Variants in PTCHD1 observed in about 807,000 individuals in gnomAD.
PTCHD1 encodes the protein patched domain-containing protein 1.
PTCHD1 carries 3 observed loss-of-function variants against 34.6 expected under a neutral mutation model. The ratio of observed to expected loss-of-function variants is 0.09; its 90% CI spans 0.04 to 0.22. The LOEUF (loss-of-function observed/expected upper bound fraction) is 0.22. Ranked by LOEUF, PTCHD1 falls within the 10% of genes least tolerant of loss-of-function variation. The probability of loss-of-function intolerance (pLI) is 1.00; values close to 1 mark genes in which losing one functional copy is unlikely to be tolerated. For missense variants in PTCHD1, 504 were observed against 685.5 expected, an observed-to-expected ratio of 0.74 and a Z score of 2.96; for synonymous variants, 305 against 283.1, an observed-to-expected ratio of 1.08 and a Z score of -0.77.
At position 23,394,000 on chromosome X, in the gene PTCHD1, T is replaced by G; in HGVS notation, c.2482T>G (p.Phe828Val). 1 of 1,211,012 alleles carries G rather than the reference T, an allele frequency of 8.3e-7. No individual in the cohort carries two copies. The highest frequency in any genetic ancestry group is 1.1e-6 in the Non-Finnish European group (1 of 895,205). The change falls in exon 3 of 3, where the codon TTT becomes GTT. Residue 828 changes from phenylalanine (F) to valine (V), a missense_variant. Physicochemically the swap from Phe to Val is conservative, Grantham distance 50. Coordinates refer to ENST00000379361, the MANE Select transcript of PTCHD1 (RefSeq NM_173495.3). ...GACCTGTACACTGTTCAGGTGCTTG[T>G]TTTTAATAGCATTTGTCACCTTCTT... ...NLTCTLFRCLFLIAFVTFFHC... is the reference protein window; with the variant it reads ...NLTCTLFRCLVLIAFVTFFHC...
chrX:23,352,990 C>T (rs1200610830), intron 1 of PTCHD1, among the ~76,000 whole-genome samples: 1 of 111,999 alleles, frequency 8.9e-6, no homozygotes, highest in Non-Finnish European at 1.9e-5. Flanking sequence ...ATTTGAAGCT[C>T]CCCTAGGAAA....
At chrX:23,372,119 A>C (rs1293343092) in intron 1 of PTCHD1, among the ~76,000 whole-genome samples, 2 of 111,045 alleles carry the variant, frequency 1.8e-5, no homozygotes, top group East Asian at 5.7e-4. Flanking sequence ...ATGTCATGTC[A>C]TGATGGTACC....
chrX:23,394,448 A>ACC lies in PTCHD1; in HGVS notation c.*264_*265insCC, dbSNP rs1232985289. The ACC allele has an allele frequency of 2.0e-5, 6 of 302,814 alleles. No homozygotes were observed. The highest frequency in any genetic ancestry group is 1.2e-4 in the East Asian group (2 of 16,764). The allele number at this position is 302,814 out of a possible 1,213,427, so 25.0% of individuals were successfully genotyped here. ...CACACACACACACACACACACACAC[A>ACC]CACCCTGGGAGACCTATAGTCTCTT... On this transcript the variant is annotated 3_prime_UTR_variant, in exon 3 of 3. Coordinates refer to ENST00000379361, the MANE Select transcript of PTCHD1 (RefSeq NM_173495.3).
At chrX:23,357,244 T>C (rs370707651) in intron 1 of PTCHD1, among the ~76,000 whole-genome samples, 1 of 111,679 alleles carries the variant, frequency 9.0e-6, no homozygotes, top group African/African-American at 3.3e-5. Flanking sequence ...ATCAGATACT[T>C]TGGAAAAGAA....
At position 23,401,103 on chromosome X, in the gene PTCHD1, T is replaced by A. The variant is rs1923111468; in HGVS notation, c.*6918T>A. On this transcript the variant is annotated 3_prime_UTR_variant, in exon 3 of 3. Transcript: ENST00000379361. ...ACCGTGTTACCCATGATAGTCTCGA[T>A]CTCCTAACCTCGTGATCCACCCGCC... The A allele has an allele frequency of 9.1e-6, 1 of 109,610 alleles. No homozygotes were observed. The highest frequency in any genetic ancestry group is 3.3e-5 in the African/African-American group (1 of 29,857). The allele number at this position is 109,610 out of a possible 1,213,427, so 9.0% of individuals were successfully genotyped here.
At chrX:23,336,875 G>A (rs867477629) in intron 1 of PTCHD1, among the ~76,000 whole-genome samples, 1 of 111,514 alleles carries the variant, frequency 9.0e-6, no homozygotes, top group Admixed American at 9.5e-5. Flanking sequence ...AATTTAACCA[G>A]TTCTGACAGT....
In PTCHD1 at chrX:23,367,948, A is replaced by G. The variant is rs1013279875; in HGVS notation, c.352-11643A>G. ...CCTGTGATAGTCCCATTTTATGCCTATTGTTCCTGTGAAATTAACACTGCC... is the reference window on the plus strand; with the variant it reads ...CCTGTGATAGTCCCATTTTATGCCTGTTGTTCCTGTGAAATTAACACTGCC... On this transcript the variant is annotated intron_variant, in intron 1 of 2. Transcript: ENST00000379361. 5.4e-5 allele frequency among the ~76,000 whole-genome samples: 6 copies of G among 110,648 alleles called. No individual in the cohort carries two copies. In the Admixed American group the frequency reaches 5.8e-4, roughly 11 times the overall value.
intron 1 of PTCHD1, among the ~76,000 whole-genome samples, chrX:23,366,656 C>T (rs1352559788): frequency 2.7e-5 from 3 of 111,175 alleles, no homozygotes; most frequent in Admixed American, 9.6e-5. Flanking sequence ...TGTGGGTGCC[C>T]TTCCCTTAAT....
At chrX:23,366,949 CA>C (rs1272210916) in intron 1 of PTCHD1, among the ~76,000 whole-genome samples, 7 of 109,946 alleles carry the variant, frequency 6.4e-5, no homozygotes, top group Non-Finnish European at 1.1e-4. Context: ...CACACACACA[CA>C]CACCCCTGCA....
At chrX:23,346,789 G>C (rs1371294805) in intron 1 of PTCHD1, among the ~76,000 whole-genome samples, 2 of 111,838 alleles carry the variant, frequency 1.8e-5, no homozygotes, top group South Asian at 3.8e-4. Flanking sequence ...ATTACTGTTT[G>C]ATGTCAAGTG....
intron 1 of PTCHD1, among the ~76,000 whole-genome samples, chrX:23,342,306 ATATATTT>A (rs1304417464): frequency 1.0e-3 from 10 of 9,796 alleles, no homozygotes; most frequent in Admixed American, 3.6e-3. Flanking sequence ...ATATATATAT[ATATATTT>A]TTTTTTTTTT....
chrX:23,367,132 A>AACAT (rs1922166949), intron 1 of PTCHD1, among the ~76,000 whole-genome samples: 2 of 112,379 alleles, frequency 1.8e-5, no homozygotes, highest in Non-Finnish European at 3.7e-5. Flanking sequence ...TTACTTGAAG[A>AACAT]TAAAGTTATG....
At chrX:23,355,696 G>A (rs1921784842) in intron 1 of PTCHD1, among the ~76,000 whole-genome samples, 1 of 112,373 alleles carries the variant, frequency 8.9e-6, no homozygotes, top group Non-Finnish European at 1.9e-5. Context: ...TTGCTTAAGT[G>A]AACCCAAACG....
rs764720940 is a variant in PTCHD1 at position 23,371,812 on chromosome X, G to A, written c.352-7779G>A. On this transcript the variant is annotated intron_variant, in intron 1 of 2. Coordinates refer to ENST00000379361, the MANE Select transcript of PTCHD1 (RefSeq NM_173495.3). ...GTAAGACCACTCACCAGAGGAGCTA[G>A]CATCCATGCTTCCTGCTGTATAATA... 6.3e-5 allele frequency among the ~76,000 whole-genome samples: 7 copies of A among 111,662 alleles called. No homozygotes were observed. In the South Asian group the frequency reaches 2.7e-3, roughly 43 times the overall value.
chrX:23,354,573 CTTTT>C (rs1205812443), intron 1 of PTCHD1, among the ~76,000 whole-genome samples: 1 of 86,625 alleles, frequency 1.2e-5, no homozygotes. Context: ...AGGTGAAATT[CTTTT>C]TTTTTTTTTT....
intron 1 of PTCHD1, among the ~76,000 whole-genome samples, chrX:23,365,316 T>A (rs189036328): frequency 9.0e-6 from 1 of 111,352 alleles, no homozygotes; most frequent in Non-Finnish European, 1.9e-5. Context: ...ATACAAGACA[T>A]TGGGGAGTTG....
intron 2 of PTCHD1, among the ~76,000 whole-genome samples, chrX:23,381,767 A>G (rs1205751366): frequency 8.9e-6 from 1 of 111,850 alleles, no homozygotes; most frequent in Non-Finnish European, 1.9e-5. Context: ...ACAGAGAAGA[A>G]GGCTGCCGTA....
At chrX:23,341,354 A>G (rs1921304134) in intron 1 of PTCHD1, among the ~76,000 whole-genome samples, 1 of 112,509 alleles carries the variant, frequency 8.9e-6, no homozygotes, top group Non-Finnish European at 1.9e-5. Flanking sequence ...TACGAGAAGG[A>G]GAAGTAAGCT....
intron 1 of PTCHD1, chrX:23,351,352 C>G (rs1877082862): frequency 6.2e-6 from 5 of 805,163 alleles, no homozygotes; most frequent in East Asian, 3.2e-5. Flanking sequence ...CCAGATGACA[C>G]CAAGCCTATA....
Sources: allele counts gnomAD v4.1 joint callset (sites outside exome capture counted in the v4.1 genomes callset), GRCh38; gene constraint gnomAD v4.1.1; transcripts MANE v1.5; gene names NCBI Gene and HGNC (gene_info 2026-07-23, HGNC 2026-07-21).